Variants in LIMS2 observed in about 807,000 individuals in gnomAD.
LIMS2 encodes the protein LIM and senescent cell antigen-like-containing domain protein 2.
In LIMS2, 30 loss-of-function variants were observed where a neutral mutation model predicts 45.3. That is an observed-to-expected ratio of 0.66 (90% confidence interval 0.50 to 0.90). The LOEUF (loss-of-function observed/expected upper bound fraction) is 0.90. Among genes scored for constraint, LIMS2 ranks in the 40% least tolerant of loss-of-function variants. The probability of loss-of-function intolerance (pLI) is 0.00; values close to 1 mark genes in which losing one functional copy is unlikely to be tolerated. For missense variants in LIMS2, 485 were observed against 468.7 expected (o/e 1.03, Z -0.32); for synonymous variants, 173 against 188.0 (o/e 0.92, Z 0.65).
Position 127,642,254 on chromosome 2 carries a change from G to A in LIMS2, c.510-55C>T. ...CACCCCTGCCCTTCTGCAGGGTCAT[G>A]CCAGCAGCGCCTCCACCCCAGGGCA... On this transcript the variant is annotated intron_variant, in intron 5 of 9. Coordinates refer to ENST00000355119, the MANE Select transcript of LIMS2 (RefSeq NM_001161403.3). The surrounding 1 kb of genome is among the most constrained non-coding windows in gnomAD (Gnocchi z 5.3). 7.0e-6 allele frequency: 10 copies of A among 1,431,612 alleles called. No individual in the cohort carries two copies. The highest frequency in any genetic ancestry group is 2.6e-5 in the Admixed American group (1 of 39,120). 88.7% of individuals were successfully genotyped at this position (1,431,612 alleles called of 1,614,324 possible). A position where few individuals can be genotyped will look rare whatever the true frequency, so the allele number is the denominator to read the frequency against.
At chr2:127,651,801 C>T (rs1234179278) in intron 4 of LIMS2, 7 of 1,557,194 alleles carry the variant, frequency 4.5e-6, no homozygotes, top group Non-Finnish European at 6.1e-6. Context: ...TAGGACTCAG[C>T]AGACCCAGCA....
Position 127,672,751 on chromosome 2 carries a change from T to A in LIMS2, c.11+2263A>T, listed in dbSNP as rs1393624570. On this transcript the variant is annotated intron_variant, in intron 1 of 9. Coordinates refer to ENST00000355119, the MANE Select transcript of LIMS2 (RefSeq NM_001161403.3). This position sits in a 1 kb window ranked among gnomAD's most constrained non-coding sequence, Gnocchi z 4.9. ...CATCTGCAGACAGCATGGCCACACATGCCACTCCAGGTCACTTTGGTGGCT... is the reference window on the plus strand; with the variant it reads ...CATCTGCAGACAGCATGGCCACACAAGCCACTCCAGGTCACTTTGGTGGCT... Among the ~76,000 whole-genome samples, 2 of 152,230 alleles carry A rather than the reference T, an allele frequency of 1.3e-5. No homozygotes were observed. Among genetic ancestry groups the A allele is most frequent in the African/African-American group, 4.8e-5 (2 of 41,464 alleles).
rs139440128 is a variant in LIMS2, at chr2:127,653,116, G to T, written c.359+1308C>A. Among the ~76,000 whole-genome samples, 1 of 152,172 alleles carries T rather than the reference G, an allele frequency of 6.6e-6. No homozygotes were observed. The highest frequency in any genetic ancestry group is 1.5e-5 in the Non-Finnish European group (1 of 68,036). Reference sequence around the variant, plus strand: ...GACAAGCTGCTCAATGCCAGGCACCGCCCAGCTCCGAGGACAGTGGGCCGG... The same window carrying T: ...GACAAGCTGCTCAATGCCAGGCACCTCCCAGCTCCGAGGACAGTGGGCCGG... On this transcript the variant is annotated intron_variant, in intron 4 of 9. Transcript: ENST00000355119. This position sits in a 1 kb window ranked among gnomAD's most constrained non-coding sequence, Gnocchi z 5.3.
In LIMS2 at chr2:127,648,843, C is replaced by T. The variant is rs934272395; in HGVS notation, c.359+5581G>A. 4.0e-5 allele frequency among the ~76,000 whole-genome samples: 6 copies of T among 150,890 alleles called. No individual in the cohort carries two copies. The East Asian group carries it at 1.2e-3, about 30-fold the overall frequency. On this transcript the variant is annotated intron_variant, in intron 4 of 9. Coordinates refer to ENST00000355119, the MANE Select transcript of LIMS2 (RefSeq NM_001161403.3). ...GGTTGAGGTGGGAGGATCACTTGAG[C>T]CCTGGAGGTTGAGGCTGCAGTGAGC...
intron 1 of LIMS2, chr2:127,673,528 T>G (rs374645471): frequency 2.6e-6 from 2 of 776,910 alleles, no homozygotes; most frequent in African/African-American, 3.5e-5. Context: ...GGCCTCCGTC[T>G]CCAGGGAAAG....
In LIMS2 at chr2:127,642,704, C is replaced by T; in HGVS notation, c.509+219G>A. The stretch of plus-strand genomic sequence containing the variant: ...CCCGCCTCCTGAGTCTCAAGTGCCC[C>T]CCAAACAGAGCCCTGGAGAGAGAAG... On this transcript the variant is annotated intron_variant, in intron 5 of 9. Transcript: ENST00000355119. This position sits in a 1 kb window ranked among gnomAD's most constrained non-coding sequence, Gnocchi z 5.3. 2 of 580,746 alleles carry T rather than the reference C, an allele frequency of 3.4e-6. No individual in the cohort carries two copies. Among genetic ancestry groups the T allele is most frequent in the Non-Finnish European group, 6.0e-6 (2 of 330,990 alleles). The allele number at this position is 580,746 out of a possible 1,614,324, so 36.0% of individuals were successfully genotyped here. A position where few individuals can be genotyped will look rare whatever the true frequency, so the allele number is the denominator to read the frequency against.
intron 4 of LIMS2, chr2:127,643,689 G>C (rs879124170): frequency 2.3e-6 from 1 of 432,904 alleles, no homozygotes; most frequent in Non-Finnish European, 4.7e-6. Context: ...TGTTCTCAAC[G>C]GAGAGACAAA....
chr2:127,662,267 T>A (rs1684719877), intron 1 of LIMS2, among the ~76,000 whole-genome samples: 3 of 152,148 alleles, frequency 2.0e-5, no homozygotes, highest in Admixed American at 2.0e-4. Flanking sequence ...AGGCCATTCC[T>A]GCAAGCACAG....
At chr2:127,649,705 G>A (rs1393556529) in intron 4 of LIMS2, among the ~76,000 whole-genome samples, 2 of 152,144 alleles carry the variant, frequency 1.3e-5, no homozygotes, top group Non-Finnish European at 2.9e-5. Context: ...TGCTGAGGGT[G>A]GGGAGCACCC....
At chr2:127,651,545 C>T in intron 4 of LIMS2, 1 of 1,612,624 alleles carries the variant, frequency 6.2e-7, no homozygotes, top group Middle Eastern at 1.6e-4. Context: ...CCTCCTGCGC[C>T]ACCCAGCGCA....
intron 4 of LIMS2, among the ~76,000 whole-genome samples, chr2:127,644,536 C>A (rs551384148): frequency 6.6e-6 from 1 of 152,330 alleles, no homozygotes; most frequent in East Asian, 1.9e-4. Flanking sequence ...AGCCCATGCC[C>A]CCTGCGGTGC....
Position 127,657,501 on chromosome 2 carries a change from C to T in LIMS2, c.73G>A (p.Ala25Thr), listed in dbSNP as rs201527546. Residue 25 changes from alanine to threonine, a missense_variant, in exon 2 of 10, where the codon GCC becomes ACC. Transcript: ENST00000355119. ...CCATTGCTGTTGACAATGCGCTCGG[C>T]GGGGGAGAAGCGGGCCTGGCAGCGC... Reference protein sequence around the residue: ...CQRCQARFSPAERIVNSNGEL... With the variant: ...CQRCQARFSPTERIVNSNGEL... The T allele has an allele frequency of 7.4e-5, 119 of 1,613,096 alleles. No individual in the cohort carries two copies. Among genetic ancestry groups the T allele is most frequent in the Admixed American group, 5.0e-4 (30 of 59,968 alleles).
intron 7 of LIMS2, 85 bp from the exon 8 acceptor site, chr2:127,640,403 CA>C: frequency 7.0e-7 from 1 of 1,422,082 alleles, no homozygotes; most frequent in Non-Finnish European, 9.8e-7. Context: ...GGCCCTCCAA[CA>C]CGGCCCCTCT....
intron 9 of LIMS2, 122 bp downstream of exon 9, chr2:127,639,948 G>T (rs1370463221): frequency 1.9e-6 from 2 of 1,055,868 alleles, no homozygotes; most frequent in South Asian, 1.4e-5. Context: ...AGGCCGGGCT[G>T]CCCCTTGTCC....
In LIMS2 at chr2:127,667,526, A is replaced by G. The variant is rs1685067686; in HGVS notation, c.11+7488T>C. ...ACCAAATGGGATTTATCCCAAGAACATAGGGTTGGTTTCACATCCAAAATT... is the reference window on the plus strand; with the variant it reads ...ACCAAATGGGATTTATCCCAAGAACGTAGGGTTGGTTTCACATCCAAAATT... On this transcript the variant is annotated intron_variant, in intron 1 of 9. Coordinates refer to ENST00000355119, the MANE Select transcript of LIMS2 (RefSeq NM_001161403.3). This position sits in a 1 kb window ranked among gnomAD's most constrained non-coding sequence, Gnocchi z 4.1. 6.6e-6 allele frequency among the ~76,000 whole-genome samples: 1 copy of G among 152,272 alleles called. No individual in the cohort carries two copies. Among genetic ancestry groups the G allele is most frequent in the Non-Finnish European group, 1.5e-5 (1 of 68,050 alleles).
In LIMS2 at chr2:127,642,800, G is replaced by T; in HGVS notation, c.509+123C>A. The T allele has an allele frequency of 8.8e-7, 1 of 1,137,142 alleles. No individual in the cohort carries two copies. The highest frequency in any genetic ancestry group is 1.2e-6 in the Non-Finnish European group (1 of 815,168). 70.4% of individuals were successfully genotyped at this position (1,137,142 alleles called of 1,614,324 possible). On this transcript the variant is annotated intron_variant, in intron 5 of 9. Transcript: ENST00000355119. This position sits in a 1 kb window ranked among gnomAD's most constrained non-coding sequence, Gnocchi z 5.3. ...GCAGCCTTGCTCTCGGGACCCCTCT[G>T]TCTGCCCACCCTGCTCCCCTCTCCC...
At chr2:127,665,748 C>T (rs1684967446) in intron 1 of LIMS2, among the ~76,000 whole-genome samples, 1 of 152,190 alleles carries the variant, frequency 6.6e-6, no homozygotes, top group South Asian at 2.1e-4. Context: ...TCACCACTCC[C>T]GACTCAGCCC....
In LIMS2 at chr2:127,642,129, C is replaced by T. The variant is rs1233311229; in HGVS notation, c.580G>A (p.Gly194Ser). ...CGGCAGGCCCCGCAGATGGGGACGCCCATCTTGTCATGGCAGGGCAGGCAG... is the reference window on the plus strand; with the variant it reads ...CGGCAGGCCCCGCAGATGGGGACGCTCATCTTGTCATGGCAGGGCAGGCAG... ...LYCLPCHDKM[G>S]VPICGACRRP... The change falls in exon 6 of 10, where the codon GGC becomes AGC. Residue 194 changes from glycine to serine, a missense_variant. By Grantham distance (56) the Gly-to-Ser change is moderately conservative. Transcript: ENST00000355119. The surrounding 1 kb of genome is among the most constrained non-coding windows in gnomAD (Gnocchi z 5.3). 8.1e-6 allele frequency: 13 copies of T among 1,606,746 alleles called. No individual in the cohort carries two copies. Among genetic ancestry groups the T allele is most frequent in the Non-Finnish European group, 1.0e-5 (12 of 1,176,430 alleles).
intron 4 of LIMS2, among the ~76,000 whole-genome samples, chr2:127,644,278 C>G (rs984740172): frequency 1.3e-5 from 2 of 152,166 alleles, no homozygotes; most frequent in Non-Finnish European, 2.9e-5. Flanking sequence ...CCGAATGCCT[C>G]GGTGAATGAA....
Sources: allele counts gnomAD v4.1 joint callset (sites outside exome capture counted in the v4.1 genomes callset), GRCh38; gene constraint gnomAD v4.1.1; non-coding constraint Gnocchi (gnomAD v3.1); transcripts MANE v1.5; gene names NCBI Gene and HGNC (gene_info 2026-07-23, HGNC 2026-07-21).